Variants in CHGA observed in about 807,000 individuals in gnomAD.
CHGA encodes the protein chromogranin-A.
A neutral mutation model predicts 54.4 loss-of-function variants in CHGA; 41 were observed. The observed-to-expected ratio is 0.75, with a 90% confidence interval of 0.59 to 0.98. CHGA has a LOEUF of 0.98. Ranked by LOEUF, CHGA falls within the 50% of genes least tolerant of loss-of-function variation. CHGA has a pLI of 0.00. For missense variants in CHGA, 576 were observed against 582.3 expected (o/e 0.99, Z 0.11); for synonymous variants, 249 against 232.8 (o/e 1.07, Z -0.63).
intron 2 of CHGA, 106 bp downstream of exon 2, chr14:92,924,351 C>CA: frequency 9.1e-7 from 1 of 1,100,592 alleles, no homozygotes; most frequent in South Asian, 1.5e-5. Flanking sequence ...CAAGAGCCAG[C>CA]ACTGCGGCTG....
intron 7 of CHGA, 163 bp downstream of exon 7, chr14:92,933,014 C>A: frequency 2.7e-6 from 3 of 1,095,572 alleles, no homozygotes; most frequent in Non-Finnish European, 3.7e-6. Context: ...TGGGAGAACA[C>A]CCCAGCTCAC....
In CHGA at chr14:92,932,399, G is replaced by A; in HGVS notation, c.838G>A (p.Ala280Thr). Residue 280 changes from alanine (A) to threonine (T), a missense_variant, in exon 7 of 8, where the codon GCT becomes ACT. Ala to Thr is a moderately conservative substitution (Grantham distance 58, BLOSUM62 0). Transcript: ENST00000216492. The surrounding 1 kb of genome is among the most constrained non-coding windows in gnomAD (Gnocchi z 5.3). ...SRSEALAVDG[A>T]GKPGAEEAQD... ...GTCGGAGGCTCTGGCTGTGGATGGA[G>A]CTGGGAAGCCTGGGGCTGAGGAGGC... 1 of 1,582,574 alleles carries A rather than the reference G, an allele frequency of 6.3e-7. No homozygotes were observed.
rs1250581341 is a variant in CHGA at position 92,931,520 on chromosome 14, G to T, written c.626G>T (p.Gly209Val). The T allele has an allele frequency of 8.1e-6, 13 of 1,612,850 alleles. No individual in the cohort carries two copies. The South Asian group carries it at 1.3e-4, about 16-fold the overall frequency. The stretch of plus-strand genomic sequence containing the variant: ...GGGGACAGTGAGGGCCTCTCTCAGG[G>T]TCTGGTGGACAGAGAGAAGGGCCTG... The part of the protein sequence containing the change: ...AEGDSEGLSQ[G>V]LVDREKGLSA... The change falls in exon 6 of 8, where the codon GGT becomes GTT. Residue 209 changes from glycine (G) to valine (V), a missense_variant. Gly to Val is a moderately radical substitution (Grantham distance 109). Coordinates refer to ENST00000216492, the MANE Select transcript of CHGA (RefSeq NM_001275.4).
intron 7 of CHGA, among the ~76,000 whole-genome samples, chr14:92,934,337 C>G (rs929348347): frequency 3.3e-5 from 5 of 152,178 alleles, no homozygotes; most frequent in Non-Finnish European, 5.9e-5. Flanking sequence ...TGGGGCAGCT[C>G]CCCCAGCATG....
Position 92,932,190 on chromosome 14 carries a change from C to G in CHGA, c.809-180C>G, listed in dbSNP as rs1887013739. On this transcript the variant is annotated intron_variant, in intron 6 of 7. Coordinates refer to ENST00000216492, the MANE Select transcript of CHGA (RefSeq NM_001275.4). This position sits in a 1 kb window ranked among gnomAD's most constrained non-coding sequence, Gnocchi z 5.3. ...GGGAAGAGGCAGGCTCCAGCTAACC[C>G]ACCCCTCTGAGCCGAGAGGGTCTTG... 6 of 798,346 alleles carry G rather than the reference C, an allele frequency of 7.5e-6. No individual in the cohort carries two copies. In the South Asian group the frequency reaches 1.2e-4, roughly 16 times the overall value. The allele number at this position is 798,346 out of a possible 1,614,324, so 49.5% of individuals were successfully genotyped here.
rs746649000 is a variant in CHGA at position 92,924,213 on chromosome 14, G to C, written c.61G>C (p.Val21Leu). ...LCAGQVTALP[V>L]NSPMNKGDTE... ...CTTCTTCCCAGTCACTGCGCTCCCT[G>C]TGAACAGCCCTATGAATAAAGGGGA... The change falls in exon 2 of 8, where the codon GTG (valine) becomes CTG (leucine). Residue 21 changes from valine to leucine, a missense_variant. Transcript: ENST00000216492. 1 of 1,612,552 alleles carries C rather than the reference G, an allele frequency of 6.2e-7. No homozygotes were observed. Among genetic ancestry groups the C allele is most frequent in the Non-Finnish European group, 8.5e-7 (1 of 1,179,610 alleles).
chr14:92,932,767 C>CG lies in CHGA; in HGVS notation c.1206_1207insG (p.Leu403AlafsTer2), dbSNP rs1164613185. 1.9e-6 allele frequency: 3 copies of CG among 1,599,546 alleles called. No homozygotes were observed. Among genetic ancestry groups the CG allele is most frequent in the Non-Finnish European group, 2.6e-6 (3 of 1,173,064 alleles). ...GGAGGCCATCCTCCCGGGAGGACAG[C>CG]CTTGAGGCGGGCCTGCCCCTCCAGG... On this transcript the variant is annotated frameshift_variant, in exon 7 of 8. Coordinates refer to ENST00000216492, the MANE Select transcript of CHGA (RefSeq NM_001275.4). LOFTEE classifies it high-confidence loss of function. The surrounding 1 kb of genome is among the most constrained non-coding windows in gnomAD (Gnocchi z 5.3).
intron 4 of CHGA, among the ~76,000 whole-genome samples, chr14:92,928,689 TAGG>T (rs1156793238): frequency 2.2e-4 from 33 of 152,224 alleles, no homozygotes; most frequent in African/African-American, 7.0e-4. Context: ...GAGACTATTA[TAGG>T]AGAATGTGTC....
At chr14:92,926,461 G>A (rs1211966446) in intron 2 of CHGA, 144 bp from the exon 3 acceptor site, 5 of 661,456 alleles carry the variant, frequency 7.6e-6, no homozygotes, top group South Asian at 5.2e-5. Flanking sequence ...AGAAAGCAGA[G>A]CTGTGTCCCT....
intron 4 of CHGA, among the ~76,000 whole-genome samples, chr14:92,928,108 C>T (rs757321724): frequency 6.6e-6 from 1 of 152,248 alleles, no homozygotes; most frequent in Non-Finnish European, 1.5e-5. Flanking sequence ...GCACCTGCCC[C>T]GGCTGACTTC....
At position 92,932,656 on chromosome 14, in the gene CHGA, G is replaced by T. The variant is rs747424184; in HGVS notation, c.1095G>T (p.Glu365Asp). The T allele has an allele frequency of 1.2e-6, 2 of 1,601,316 alleles. No individual in the cohort carries two copies. Among genetic ancestry groups the T allele is most frequent in the South Asian group, 2.3e-5 (2 of 88,732 alleles). The part of the protein sequence containing the change: ...EKRLEGQEEE[E>D]DNRDSSMKLS... ...GGCTGGAGGGGCAGGAGGAGGAGGA[G>T]GACAACCGGGACAGTTCCATGAAGC... is the stretch of plus-strand genomic sequence containing the variant. The change falls in exon 7 of 8, where the codon GAG becomes GAT. Residue 365 changes from glutamate to aspartate, a missense_variant. Coordinates refer to ENST00000216492, the MANE Select transcript of CHGA (RefSeq NM_001275.4). The surrounding 1 kb of genome is among the most constrained non-coding windows in gnomAD (Gnocchi z 5.3).
At chr14:92,931,191 G>C (rs1595061853) in intron 5 of CHGA, 59 bp from the exon 6 acceptor site, 1 of 1,502,610 alleles carries the variant, frequency 6.7e-7, no homozygotes, top group East Asian at 2.3e-5. Flanking sequence ...TTAGCCTGTG[G>C]GGAGGCCCCA....
Position 92,929,783 on chromosome 14 carries a change from T to C in CHGA, c.323T>C (p.Leu108Pro). Residue 108 changes from leucine to proline, a missense_variant, in exon 5 of 8, where the codon CTT becomes CCT. Leu to Pro is a moderately conservative substitution (Grantham distance 98). Coordinates refer to ENST00000216492, the MANE Select transcript of CHGA (RefSeq NM_001275.4). ...TTTGAAGATGAACTCTCAGAGGTTC[T>C]TGAGAACCAGAGCAGCCAGGCCGAG... ...SGFEDELSEV[L>P]ENQSSQAELK... The C allele has an allele frequency of 1.2e-6, 2 of 1,613,386 alleles. No individual in the cohort carries two copies. The highest frequency in any genetic ancestry group is 1.3e-5 in the African/African-American group (1 of 75,054).
chr14:92,932,814 A>G lies in CHGA; in HGVS notation c.1253A>G (p.Lys418Arg). ...CAGGTCCGAGGCTACCCCGAGGAGA[A>G]GAAAGAGGAGGAGGGCAGCGCAAAC... is the stretch of plus-strand genomic sequence containing the variant. ...PLQVRGYPEE[K>R]KEEEGSANRR... is the part of the protein sequence containing the mutation. Residue 418 changes from lysine (K) to arginine (R), a missense_variant, in exon 7 of 8, where the codon AAG becomes AGG. Transcript: ENST00000216492. This position sits in a 1 kb window ranked among gnomAD's most constrained non-coding sequence, Gnocchi z 5.3. 1.3e-6 allele frequency: 2 copies of G among 1,541,000 alleles called. No individual in the cohort carries two copies. The highest frequency in any genetic ancestry group is 1.8e-6 in the Non-Finnish European group (2 of 1,142,364).
At chr14:92,922,931 C>G (rs929274453), upstream of CHGA, 2 of 158,442 alleles carry the variant, frequency 1.3e-5, no homozygotes, top group Admixed American at 6.5e-5. Flanking sequence ...GCCACAGCCC[C>G]CCGCCTCCCA....
chr14:92,930,778 T>G (rs1363765235), intron 5 of CHGA, among the ~76,000 whole-genome samples: 1 of 152,250 alleles, frequency 6.6e-6, no homozygotes, highest in Non-Finnish European at 1.5e-5. Flanking sequence ...GTTCAAAGGC[T>G]GTCTTTAAGG....
chr14:92,926,582 C>A, intron 2 of CHGA, 23 bp from the exon 3 acceptor site: 1 of 1,610,148 alleles, frequency 6.2e-7, no homozygotes, highest in Non-Finnish European at 8.5e-7. Flanking sequence ...CAGCCCCAAC[C>A]TGCCCCTGCA....
Position 92,935,060 on chromosome 14 carries a change from C to T in CHGA, c.*176C>T, listed in dbSNP as rs1455023264. 7 of 544,658 alleles carry T rather than the reference C, an allele frequency of 1.3e-5. No homozygotes were observed. The highest frequency in any genetic ancestry group is 2.2e-5 in the Non-Finnish European group (7 of 314,804). The allele number at this position is 544,658 out of a possible 1,614,324, so 33.7% of individuals were successfully genotyped here. On this transcript the variant is annotated 3_prime_UTR_variant, in exon 8 of 8. Coordinates refer to ENST00000216492, the MANE Select transcript of CHGA (RefSeq NM_001275.4). ...CGCGCCTTGTCTCCTACTCCTGACT[C>T]CTACCTGCCCTGGAACATCCTTTGC... is the stretch of plus-strand genomic sequence containing the variant.
Position 92,935,076 on chromosome 14 carries a change from C to A in CHGA, c.*192C>A. 1 of 533,626 alleles carries A rather than the reference C, an allele frequency of 1.9e-6. No individual in the cohort carries two copies. 33.1% of individuals were successfully genotyped at this position (533,626 alleles called of 1,614,324 possible). A position where few individuals can be genotyped will look rare whatever the true frequency, so the allele number is the denominator to read the frequency against. On this transcript the variant is annotated 3_prime_UTR_variant, in exon 8 of 8. Transcript: ENST00000216492. Reference sequence around the variant, plus strand: ...CTCCTGACTCCTACCTGCCCTGGAACATCCTTTGCAGGGCAGCCCCACAAC... The same window carrying A: ...CTCCTGACTCCTACCTGCCCTGGAAAATCCTTTGCAGGGCAGCCCCACAAC...
Sources: gnomAD v4.1 joint callset for allele counts (sites outside exome capture counted in the v4.1 genomes callset) on GRCh38, gnomAD v4.1.1 for gene constraint, Gnocchi (gnomAD v3.1) non-coding constraint, MANE v1.5 for transcripts, NCBI Gene and HGNC (gene_info 2026-07-23, HGNC 2026-07-21) for gene names.